The following NEDD4 variants were observed in gnomAD, a reference collection of about 807,000 sequenced individuals.
NEDD4 encodes the protein NEDD4 E3 ubiquitin protein ligase.
NEDD4 carries 99 observed loss-of-function variants against 144.9 expected under a neutral mutation model. The observed-to-expected ratio is 0.68, with a 90% CI of 0.58 to 0.81. NEDD4 has a LOEUF of 0.81. Ranked by LOEUF, NEDD4 falls within the 30% of genes least tolerant of loss-of-function variation. The pLI, the probability that NEDD4 is intolerant of heterozygous loss-of-function variation, is 0.00. For synonymous variants in NEDD4, 318 were observed against 350.6 expected, an observed-to-expected ratio of 0.91 and a Z score of 1.04; for missense variants, 985 against 1,065.9, an observed-to-expected ratio of 0.92 and a Z score of 1.06.
intron 8 of NEDD4, among the ~76,000 whole-genome samples, chr15:55,868,205 T>C (rs1014037409): frequency 3.3e-5 from 5 of 152,208 alleles, no homozygotes; most frequent in Admixed American, 2.6e-4. Flanking sequence ...TACATGGGCA[T>C]GTGAGGTAGA....
intron 2 of NEDD4, among the ~76,000 whole-genome samples, chr15:55,952,986 C>T (rs905583149): frequency 6.8e-6 from 1 of 147,918 alleles, no homozygotes; most frequent in South Asian, 2.1e-4. Context: ...TGTATTAATT[C>T]TTTTTTTTTT....
chr15:55,930,306 C>T (rs562007994), intron 4 of NEDD4, among the ~76,000 whole-genome samples: 1 of 152,146 alleles, frequency 6.6e-6, no homozygotes, highest in African/African-American at 2.4e-5. Context: ...AGTTCACTGA[C>T]CCTCGTCCTA....
chr15:55,930,581 A>G (rs1194331357), intron 4 of NEDD4, among the ~76,000 whole-genome samples: 4 of 152,190 alleles, frequency 2.6e-5, no homozygotes, highest in Non-Finnish European at 4.4e-5. Context: ...TTGAAGAGAA[A>G]CAGTATTCAT....
At position 55,844,199 on chromosome 15, in the gene NEDD4, G is replaced by A. The variant is rs571707029; in HGVS notation, c.1609-2036C>T. 1.2e-3 allele frequency among the ~76,000 whole-genome samples: 183 copies of A among 151,968 alleles called. 1 individual carries two copies. Among genetic ancestry groups the A allele is most frequent in the Admixed American group, 2.1e-3 (32 of 15,250 alleles). ...CAGAAGGAGAAGAAGGGAGAGGAAG[G>A]GAAAGAAGGCAGGGATTATAGGGGA... On this transcript the variant is annotated intron_variant, in intron 18 of 28. Coordinates refer to ENST00000435532, the MANE Select transcript of NEDD4 (RefSeq NM_006154.4).
intron 4 of NEDD4, among the ~76,000 whole-genome samples, chr15:55,930,480 G>A (rs2036758019): frequency 6.6e-6 from 1 of 152,168 alleles, no homozygotes; most frequent in Non-Finnish European, 1.5e-5. Context: ...CACTCTAGGT[G>A]ACCTTCCATT....
Position 55,886,038 on chromosome 15 carries a change from A to C in NEDD4, c.292-12030T>G, listed in dbSNP as rs572892510. 4.9e-4 allele frequency among the ~76,000 whole-genome samples: 74 copies of C among 152,256 alleles called. 1 individual carries two copies. Among genetic ancestry groups the C allele is most frequent in the African/African-American group, 1.7e-3 (69 of 41,558 alleles). The stretch of plus-strand genomic sequence containing the variant: ...TACTTCATTAAAACGGAAATCAAAA[A>C]AGGGCATGAGTAGCTGTATCAGATA... On this transcript the variant is annotated intron_variant, in intron 5 of 28. Coordinates refer to ENST00000435532, the MANE Select transcript of NEDD4 (RefSeq NM_006154.4).
chr15:55,979,917 C>CCT lies in NEDD4; in HGVS notation c.46-13372_46-13371insAG, dbSNP rs2037770865. On this transcript the variant is annotated intron_variant, in intron 1 of 28. Transcript: ENST00000435532. The stretch of plus-strand genomic sequence containing the variant: ...TTAACTTTTATAATTATAATTATTA[C>CCT]TTTTTTTTTTTGAGATGGAGTCTCG... Among the ~76,000 whole-genome samples the CCT allele has an allele frequency of 2.0e-5, 3 of 146,412 alleles. No homozygotes were observed. In the South Asian group the frequency reaches 6.5e-4, roughly 32 times the overall value.
chr15:55,955,682 T>G (rs10459621), intron 2 of NEDD4, among the ~76,000 whole-genome samples: 20,402 of 152,034 alleles, frequency 0.13, 1,487 homozygotes, highest in East Asian at 0.32. Context: ...TATATACATT[T>G]CTTTTTTTTT....
intron 5 of NEDD4, chr15:55,915,285 T>C: frequency 6.4e-7 from 1 of 1,556,436 alleles, no homozygotes; most frequent in South Asian, 1.2e-5. Context: ...GAAACTTACC[T>C]TGCAAGAATT....
chr15:55,873,888 T>C, intron 6 of NEDD4, 70 bp downstream of exon 6: 1 of 663,520 alleles, frequency 1.5e-6, no homozygotes, highest in South Asian at 2.8e-5. Flanking sequence ...AGTAGCTATA[T>C]TATATATGTA....
At chr15:55,850,961 T>C (rs549257335) in intron 13 of NEDD4, among the ~76,000 whole-genome samples, 53 of 152,324 alleles carry the variant, frequency 3.5e-4, no homozygotes, top group African/African-American at 1.1e-3. Flanking sequence ...AATAAATTAT[T>C]TTGTAAAACT....
Position 55,848,901 on chromosome 15 carries a change from TA to T in NEDD4, c.1348-16del, listed in dbSNP as rs781231263. 43 of 1,601,282 alleles carry T rather than the reference TA, an allele frequency of 2.7e-5. No homozygotes were observed. Among genetic ancestry groups the T allele is most frequent in the Non-Finnish European group, 3.7e-5 (43 of 1,168,706 alleles). ...CTTGGATCTTCCTTTTTTGGTAGAG[TA>T]AATAAAGAACAATACACACAAATTT... On this transcript the variant is annotated splice_polypyrimidine_tract_variant and intron_variant, in intron 14 of 28. Coordinates refer to ENST00000435532, the MANE Select transcript of NEDD4 (RefSeq NM_006154.4).
At chr15:55,865,838 T>G (rs916358596) in intron 8 of NEDD4, among the ~76,000 whole-genome samples, 4 of 152,266 alleles carry the variant, frequency 2.6e-5, no homozygotes, top group South Asian at 2.1e-4. Context: ...AAGGCTGATC[T>G]AGTTTGGCTA....
intron 4 of NEDD4, among the ~76,000 whole-genome samples, chr15:55,949,514 C>G (rs2037194617): frequency 6.6e-6 from 1 of 152,112 alleles, no homozygotes; most frequent in Non-Finnish European, 1.5e-5. Context: ...ATGTTTATTG[C>G]AGCACTATTC....
At chr15:55,893,302 T>C (rs921682481) in intron 5 of NEDD4, among the ~76,000 whole-genome samples, 3 of 152,092 alleles carry the variant, frequency 2.0e-5, no homozygotes, top group Non-Finnish European at 2.9e-5. Flanking sequence ...ATAGATCATA[T>C]AATTCTAAAG....
At chr15:55,938,296 T>C (rs1208649134) in intron 4 of NEDD4, among the ~76,000 whole-genome samples, 1 of 152,154 alleles carries the variant, frequency 6.6e-6, no homozygotes, top group African/African-American at 2.4e-5. Context: ...GAGGTGGTGG[T>C]TGCGGTGAGC....
At position 55,921,997 on chromosome 15, in the gene NEDD4, CAAT is replaced by C. The variant is rs2036576793; in HGVS notation, c.291+2646_291+2648del. On this transcript the variant is annotated intron_variant, in intron 5 of 28. Transcript: ENST00000435532. ...TAAAATAGTTCACCAATAATACACT[CAAT>C]GATCAGGCAAAATTCACATCGGTAT... Among the ~76,000 whole-genome samples the C allele has an allele frequency of 2.0e-5, 3 of 152,308 alleles. No individual in the cohort carries two copies. The South Asian group carries it at 6.2e-4, about 32-fold the overall frequency.
At chr15:55,982,733 T>G (rs560178127) in intron 1 of NEDD4, among the ~76,000 whole-genome samples, 2 of 152,214 alleles carry the variant, frequency 1.3e-5, no homozygotes, top group Non-Finnish European at 2.9e-5. Context: ...AATTTCACTC[T>G]TCCCCACCCC....
chr15:55,846,954 A>T lies in NEDD4; in HGVS notation c.1608+15T>A. On this transcript the variant is annotated intron_variant, in intron 18 of 28. Coordinates refer to ENST00000435532, the MANE Select transcript of NEDD4 (RefSeq NM_006154.4). ...TATTGATGACTCTTAAGTATTTATTATAAACATGACTAACCTGCTTCTTCA... is the reference window on the plus strand; with the variant it reads ...TATTGATGACTCTTAAGTATTTATTTTAAACATGACTAACCTGCTTCTTCA... 6.6e-7 allele frequency: 1 copy of T among 1,522,480 alleles called. No homozygotes were observed. The highest frequency in any genetic ancestry group is 9.1e-7 in the Non-Finnish European group (1 of 1,099,468). The allele number at this position is 1,522,480 out of a possible 1,614,324, so 94.3% of individuals were successfully genotyped here.
Sources: allele counts gnomAD v4.1 joint callset (sites outside exome capture counted in the v4.1 genomes callset), GRCh38; gene constraint gnomAD v4.1.1; transcripts MANE v1.5; gene names NCBI Gene and HGNC (gene_info 2026-07-23, HGNC 2026-07-21).